Variants in GRID1 observed in about 807,000 individuals in gnomAD.
The protein encoded by GRID1 is glutamate ionotropic receptor delta type subunit 1.
In GRID1, 28 loss-of-function variants were observed where a neutral mutation model predicts 98.0. That is an observed-to-expected ratio of 0.29 (90% CI 0.21 to 0.39). The LOEUF (loss-of-function observed/expected upper bound fraction) is 0.39, where lower values mean the gene tolerates loss of function less well. Ranked by LOEUF, GRID1 falls within the 10% of genes least tolerant of loss-of-function variation. The pLI, the probability that GRID1 is intolerant of heterozygous loss-of-function variation, is 1.00. For synonymous variants in GRID1, 553 were observed against 538.5 expected, an observed-to-expected ratio of 1.03 and a Z score of -0.37; for missense variants, 1,111 against 1,340.5, an observed-to-expected ratio of 0.83 and a Z score of 2.67.
At chr10:85,792,051 A>G (rs1288933921) in intron 8 of GRID1, among the ~76,000 whole-genome samples, 1 of 152,186 alleles carries the variant, frequency 6.6e-6, no homozygotes, top group Admixed American at 6.5e-5. Flanking sequence ...GCCTAAGTGT[A>G]TTCATGAGCT....
At chr10:86,156,686 T>C (rs1290103490) in intron 3 of GRID1, among the ~76,000 whole-genome samples, 2 of 152,134 alleles carry the variant, frequency 1.3e-5, no homozygotes, top group Non-Finnish European at 2.9e-5. Flanking sequence ...AAGAAATGTG[T>C]GGCTTGTGAT....
At chr10:85,980,447 C>T (rs994272782) in intron 4 of GRID1, among the ~76,000 whole-genome samples, 4 of 152,264 alleles carry the variant, frequency 2.6e-5, no homozygotes, top group Non-Finnish European at 4.4e-5. Flanking sequence ...ACAGAAATGA[C>T]TTGTCCAAGG....
At chr10:85,814,826 G>C (rs890530151) in intron 8 of GRID1, among the ~76,000 whole-genome samples, 1 of 151,878 alleles carries the variant, frequency 6.6e-6, no homozygotes, top group African/African-American at 2.4e-5. Context: ...TTCACTGATG[G>C]ATCAGGAAGA....
intron 11 of GRID1, 113 bp downstream of exon 11, chr10:85,724,239 A>G (rs1197641576): frequency 1.4e-6 from 1 of 727,016 alleles, no homozygotes; most frequent in Admixed American, 2.8e-5. Flanking sequence ...CCTAGAGATT[A>G]AGTAAAATTG....
At chr10:86,212,787 T>C (rs1846124685) in intron 2 of GRID1, among the ~76,000 whole-genome samples, 1 of 152,264 alleles carries the variant, frequency 6.6e-6, no homozygotes, top group Non-Finnish European at 1.5e-5. Flanking sequence ...TTAGAGCTGA[T>C]AAATAATTGA....
At chr10:86,187,588 GGGGAGCCCCA>G (rs1258796214) in intron 3 of GRID1, among the ~76,000 whole-genome samples, 1 of 152,212 alleles carries the variant, frequency 6.6e-6, no homozygotes, top group Non-Finnish European at 1.5e-5. Context: ...GCCAGAGGCT[GGGGAGCCCCA>G]GGAAGAACAG....
intron 8 of GRID1, among the ~76,000 whole-genome samples, chr10:85,758,693 C>G (rs898948168): frequency 2.0e-5 from 3 of 152,278 alleles, no homozygotes; most frequent in African/African-American, 7.2e-5. Flanking sequence ...TGCGTGGGTA[C>G]TGGGAGGTAT....
chr10:86,050,953 T>G (rs1321314209), intron 4 of GRID1, among the ~76,000 whole-genome samples: 1 of 150,652 alleles, frequency 6.6e-6, no homozygotes, highest in Admixed American at 6.6e-5. Context: ...GACCAAGTAT[T>G]AAAATATACA....
At chr10:85,656,789 T>A (rs73326628) in intron 12 of GRID1, among the ~76,000 whole-genome samples, 3,422 of 152,306 alleles carry the variant, frequency 0.022, 114 homozygotes, top group African/African-American at 0.078. Context: ...ACCTTCACTC[T>A]GCATCTTATC....
intron 8 of GRID1, among the ~76,000 whole-genome samples, chr10:85,743,511 T>C (rs1015363374): frequency 1.3e-5 from 2 of 152,000 alleles, no homozygotes; most frequent in African/African-American, 4.8e-5. Context: ...AAATATAAAA[T>C]ATGTGGAATT....
chr10:86,206,716 A>G lies in GRID1; in HGVS notation c.236-68T>C. ...CGATGCTGCACCAGCTTCAACCTGCAGGCCCCATGCCTGGCAGCTCATGCC... is the reference window on the plus strand; with the variant it reads ...CGATGCTGCACCAGCTTCAACCTGCGGGCCCCATGCCTGGCAGCTCATGCC... On this transcript the variant is annotated intron_variant, in intron 2 of 15. Transcript: ENST00000327946. The surrounding 1 kb of genome is among the most constrained non-coding windows in gnomAD (Gnocchi z 4.1). 1 of 1,445,220 alleles carries G rather than the reference A, an allele frequency of 6.9e-7. No homozygotes were observed. Among genetic ancestry groups the G allele is most frequent in the Non-Finnish European group, 9.5e-7 (1 of 1,054,996 alleles). 89.5% of individuals were successfully genotyped at this position (1,445,220 alleles called of 1,614,324 possible).
At chr10:85,846,622 GA>G (rs961704354) in intron 8 of GRID1, among the ~76,000 whole-genome samples, 3 of 151,578 alleles carry the variant, frequency 2.0e-5, no homozygotes, top group African/African-American at 4.9e-5. Context: ...CTAGTTCTTT[GA>G]AAAAAAATCA....
At chr10:86,203,527 A>G (rs927265537) in intron 3 of GRID1, among the ~76,000 whole-genome samples, 2 of 151,758 alleles carry the variant, frequency 1.3e-5, no homozygotes, top group African/African-American at 4.8e-5. Flanking sequence ...AGCACTGGGC[A>G]CCGGGTTAAA....
intron 13 of GRID1, among the ~76,000 whole-genome samples, chr10:85,636,736 GA>G (rs896408905): frequency 2.6e-5 from 4 of 151,812 alleles, no homozygotes; most frequent in African/African-American, 9.7e-5. Context: ...AGGAGTTGAT[GA>G]AAAAAAATCC....
At chr10:85,805,689 G>A (rs1055688314) in intron 8 of GRID1, among the ~76,000 whole-genome samples, 12 of 151,858 alleles carry the variant, frequency 7.9e-5, no homozygotes, top group African/African-American at 2.4e-4. Context: ...ACATATACAT[G>A]CTGAATGCAT....
intron 6 of GRID1, among the ~76,000 whole-genome samples, chr10:85,867,307 A>G (rs1017065421): frequency 2.0e-5 from 3 of 152,196 alleles, no homozygotes; most frequent in Non-Finnish European, 4.4e-5. Flanking sequence ...CAGTTTAACT[A>G]AGACCTAGAG....
intron 12 of GRID1, among the ~76,000 whole-genome samples, chr10:85,722,258 A>C (rs760483558): frequency 6.6e-6 from 1 of 152,194 alleles, no homozygotes; most frequent in Non-Finnish European, 1.5e-5. Context: ...TGAGTCAAAA[A>C]ACCATAATCA....
chr10:85,860,851 A>G (rs969779835), intron 6 of GRID1, among the ~76,000 whole-genome samples: 1 of 152,196 alleles, frequency 6.6e-6, no homozygotes, highest in Non-Finnish European at 1.5e-5. Context: ...TCTGAGACTT[A>G]TCTTGATAAC....
intron 4 of GRID1, among the ~76,000 whole-genome samples, chr10:85,974,081 G>A (rs1842440961): frequency 6.6e-6 from 1 of 152,204 alleles, no homozygotes; most frequent in Non-Finnish European, 1.5e-5. Flanking sequence ...CTTTATCAGA[G>A]TAGATGGGTA....
Sources: allele counts gnomAD v4.1 joint callset (sites outside exome capture counted in the v4.1 genomes callset), GRCh38; gene constraint gnomAD v4.1.1; non-coding constraint Gnocchi (gnomAD v3.1); transcripts MANE v1.5; gene names NCBI Gene and HGNC (gene_info 2026-07-23, HGNC 2026-07-21).